Variants in RANBP17 observed in about 807,000 individuals in gnomAD.
RANBP17 encodes the protein ran-binding protein 17.
Under a neutral mutation model 141.2 loss-of-function variants are expected in RANBP17, and 158 were observed. The observed-to-expected ratio is 1.12, with a 90% CI of 0.98 to 1.28. The LOEUF is 1.28. RANBP17 is among the 50% of genes most tolerant of loss of function. The probability of loss-of-function intolerance (pLI) is 0.00; values close to 1 mark genes in which losing one functional copy is unlikely to be tolerated. For synonymous variants in RANBP17, 430 were observed against 450.0 expected, an observed-to-expected ratio of 0.96 and a Z score of 0.56; for missense variants, 1,438 against 1,290.7, an observed-to-expected ratio of 1.11 and a Z score of -1.75.
intron 21 of RANBP17, among the ~76,000 whole-genome samples, chr5:171,219,753 GTTC>G (rs1318478591): frequency 6.6e-6 from 1 of 151,860 alleles, no homozygotes; most frequent in African/African-American, 2.4e-5. Flanking sequence ...GGTCATTTAT[GTTC>G]TTCTCTAAAC....
At position 170,926,196 on chromosome 5, in the gene RANBP17, T is replaced by TCG. The variant is rs72532751; in HGVS notation, c.1468+1646_1468+1647insCG. Among the ~76,000 whole-genome samples the TCG allele has an allele frequency of 3.8e-4, 57 of 151,830 alleles. 2 individuals carry two copies. In the South Asian group the frequency reaches 0.011, roughly 30 times the overall value. On this transcript the variant is annotated intron_variant, in intron 12 of 27. Transcript: ENST00000523189. ...CCATCGCAACTACTCAAGTCTGCCTTTAGCCAGGAAGCAGCCGTAGACCAT... is the reference window on the plus strand; with the variant it reads ...CCATCGCAACTACTCAAGTCTGCCTTCGTAGCCAGGAAGCAGCCGTAGACCAT...
At chr5:170,974,520 A>T (rs552403605) in intron 14 of RANBP17, among the ~76,000 whole-genome samples, 2 of 152,238 alleles carry the variant, frequency 1.3e-5, no homozygotes, top group South Asian at 4.1e-4. Flanking sequence ...ATGGAATCAC[A>T]TGCCAGTGGC....
chr5:171,123,039 C>T (rs1756157673), intron 14 of RANBP17, among the ~76,000 whole-genome samples: 1 of 152,114 alleles, frequency 6.6e-6, no homozygotes, highest in African/African-American at 2.4e-5. Context: ...GGAGAGTGGC[C>T]CTGGGACAAA....
chr5:170,949,493 T>C (rs754796934), intron 12 of RANBP17, among the ~76,000 whole-genome samples: 22 of 152,138 alleles, frequency 1.4e-4, no homozygotes, highest in Non-Finnish European at 2.8e-4. Context: ...CATCCTTAGT[T>C]ATTAAGGAAA....
intron 25 of RANBP17, among the ~76,000 whole-genome samples, chr5:171,281,598 A>T (rs1767867977): frequency 6.6e-6 from 1 of 152,194 alleles, no homozygotes; most frequent in African/African-American, 2.4e-5. Context: ...GACACACAGT[A>T]GGAGGTCAGA....
chr5:170,932,746 C>T (rs1225187976), intron 12 of RANBP17, among the ~76,000 whole-genome samples: 1 of 152,032 alleles, frequency 6.6e-6, no homozygotes, highest in Admixed American at 6.5e-5. Context: ...GCCTTGCATC[C>T]CAGGGATGAA....
At chr5:171,264,070 CA>C (rs1352235227) in intron 24 of RANBP17, among the ~76,000 whole-genome samples, 2 of 152,112 alleles carry the variant, frequency 1.3e-5, no homozygotes, top group African/African-American at 4.8e-5. Flanking sequence ...TCAACAACAA[CA>C]AAAAGGTGTT....
intron 21 of RANBP17, among the ~76,000 whole-genome samples, chr5:171,214,060 A>G (rs1170995052): frequency 1.3e-5 from 2 of 152,224 alleles, no homozygotes; most frequent in Non-Finnish European, 2.9e-5. Flanking sequence ...CTTAAATGCA[A>G]TTCTATAGAA....
intron 14 of RANBP17, among the ~76,000 whole-genome samples, chr5:171,133,265 A>G (rs1757053867): frequency 6.6e-6 from 1 of 152,226 alleles, no homozygotes; most frequent in Non-Finnish European, 1.5e-5. Flanking sequence ...ACATTTACAC[A>G]TATTATTTGC....
intron 24 of RANBP17, among the ~76,000 whole-genome samples, chr5:171,250,419 G>A (rs1765481878): frequency 6.6e-6 from 1 of 151,968 alleles, no homozygotes; most frequent in South Asian, 2.1e-4. Flanking sequence ...AAAAAGATGG[G>A]AAAAAAGAAT....
chr5:171,244,699 G>A lies in RANBP17; in HGVS notation c.2776+1879G>A, dbSNP rs556045806. On this transcript the variant is annotated intron_variant, in intron 24 of 27. Transcript: ENST00000523189. ...TGACCTCAAGCGATACACCCACCTCGGCCTCCCAAATCACTGGGATTACAA... is the reference window on the plus strand; with the variant it reads ...TGACCTCAAGCGATACACCCACCTCAGCCTCCCAAATCACTGGGATTACAA... 5.9e-5 allele frequency among the ~76,000 whole-genome samples: 9 copies of A among 152,076 alleles called. No individual in the cohort carries two copies. The South Asian group carries it at 1.2e-3, about 21-fold the overall frequency.
intron 14 of RANBP17, among the ~76,000 whole-genome samples, chr5:171,038,465 C>T (rs1020249324): frequency 2.0e-5 from 3 of 151,870 alleles, no homozygotes; most frequent in African/African-American, 2.4e-5. Context: ...AATGCTGTGG[C>T]GAGGGCTTCC....
At chr5:171,263,251 C>G (rs1766449284) in intron 24 of RANBP17, among the ~76,000 whole-genome samples, 1 of 152,202 alleles carries the variant, frequency 6.6e-6, no homozygotes, top group African/African-American at 2.4e-5. Context: ...GTCTCCTTCT[C>G]CTCTTCTGAG....
At chr5:171,267,213 T>G (rs1450862477) in intron 25 of RANBP17, among the ~76,000 whole-genome samples, 1 of 150,542 alleles carries the variant, frequency 6.6e-6, no homozygotes, top group African/African-American at 2.4e-5. Flanking sequence ...TTTTTTTTTT[T>G]TTTTGGAGAG....
At chr5:170,888,124 C>T (rs1769304921) in intron 3 of RANBP17, among the ~76,000 whole-genome samples, 1 of 152,156 alleles carries the variant, frequency 6.6e-6, no homozygotes, top group South Asian at 2.1e-4. Flanking sequence ...GTCAGTCTTC[C>T]AACTTTGTTC....
chr5:171,178,083 C>T (rs1248020269), intron 16 of RANBP17, among the ~76,000 whole-genome samples: 5 of 150,486 alleles, frequency 3.3e-5, no homozygotes, highest in Admixed American at 6.7e-5. Context: ...AGGTTTGTTA[C>T]ATAGGTATAC....
intron 13 of RANBP17, among the ~76,000 whole-genome samples, chr5:170,967,547 A>G (rs953291297): frequency 2.0e-5 from 3 of 151,486 alleles, no homozygotes; most frequent in African/African-American, 7.3e-5. Context: ...GTTTTTCATT[A>G]TATTGAATTA....
At chr5:171,238,342 G>A (rs567946723) in intron 22 of RANBP17, among the ~76,000 whole-genome samples, 1 of 151,902 alleles carries the variant, frequency 6.6e-6, no homozygotes, top group South Asian at 2.1e-4. Context: ...GGACATATAT[G>A]CCAAATTGCA....
chr5:171,250,920 A>C (rs967496228), intron 24 of RANBP17, among the ~76,000 whole-genome samples: 12 of 152,226 alleles, frequency 7.9e-5, no homozygotes, highest in African/African-American at 2.9e-4. Flanking sequence ...CATTAAACAG[A>C]TCATCTAGAC....
Sources: allele counts gnomAD v4.1 joint callset (sites outside exome capture counted in the v4.1 genomes callset), GRCh38; gene constraint gnomAD v4.1.1; transcripts MANE v1.5; gene names NCBI Gene and HGNC (gene_info 2026-07-23, HGNC 2026-07-21).